The following FILIP1L variants were observed in gnomAD, a reference collection of about 807,000 sequenced individuals.
FILIP1L encodes filamin A-interacting protein 1-like.
Under a neutral mutation model 96.6 loss-of-function variants are expected in FILIP1L, and 55 were observed. That is an observed-to-expected ratio of 0.57 (90% CI 0.46 to 0.71). The LOEUF (loss-of-function observed/expected upper bound fraction) is 0.71. Ranked by LOEUF, FILIP1L falls within the 30% of genes least tolerant of loss-of-function variation. The probability of loss-of-function intolerance (pLI) is 0.00; values close to 1 mark genes in which losing one functional copy is unlikely to be tolerated. For missense variants in FILIP1L, 1,304 were observed against 1,321.2 expected (o/e 0.99, Z 0.20); for synonymous variants, 467 against 473.9 (o/e 0.99, Z 0.19).
At chr3:99,900,037 A>G (rs934842640) in intron 4 of FILIP1L, among the ~76,000 whole-genome samples, 1 of 152,256 alleles carries the variant, frequency 6.6e-6, no homozygotes, top group Non-Finnish European at 1.5e-5. Context: ...GATGAAATAA[A>G]TATAAATGTA....
chr3:99,904,757 G>A (rs996259626), intron 4 of FILIP1L, among the ~76,000 whole-genome samples: 1 of 151,952 alleles, frequency 6.6e-6, no homozygotes, highest in Non-Finnish European at 1.5e-5. Context: ...GCGAGACTTC[G>A]TTCTATCCAT....
At chr3:99,955,415 G>T (rs544061627) in intron 1 of FILIP1L, among the ~76,000 whole-genome samples, 2 of 152,080 alleles carry the variant, frequency 1.3e-5, no homozygotes, top group Non-Finnish European at 2.9e-5. Flanking sequence ...TTTTTTTAGC[G>T]AAGGCATTTA....
chr3:99,832,991 G>A (rs909907634), intron 5 of FILIP1L, among the ~76,000 whole-genome samples: 4 of 148,778 alleles, frequency 2.7e-5, no homozygotes, highest in Admixed American at 6.8e-5. Context: ...AGAAAGTTTT[G>A]TCCAAATTTG....
At chr3:99,834,673 C>T (rs1480474290) in intron 5 of FILIP1L, among the ~76,000 whole-genome samples, 1 of 152,168 alleles carries the variant, frequency 6.6e-6, no homozygotes, top group African/African-American at 2.4e-5. Context: ...TTTCCTCCCT[C>T]CCCTCTCCTG....
chr3:99,937,423 C>G (rs1707713453), intron 1 of FILIP1L, among the ~76,000 whole-genome samples: 1 of 152,126 alleles, frequency 6.6e-6, no homozygotes, highest in Non-Finnish European at 1.5e-5. Context: ...ATGTGCTTTT[C>G]TCAACCACTG....
rs754267001 is a variant in FILIP1L at position 99,848,568 on chromosome 3, TG to T, written c.3107del (p.Pro1036GlnfsTer19). 1 of 1,614,206 alleles carries T rather than the reference TG, an allele frequency of 6.2e-7. No homozygotes were observed. The highest frequency in any genetic ancestry group is 8.5e-7 in the Non-Finnish European group (1 of 1,180,022). ...SAKHAIFRVS[P>X]DRQSSWQFQR... is the part of the protein sequence containing the mutation. ...GAAACTGCCATGATGACTGCCGGTC[TG>T]GGGAGACTCTGAATATCGCATGCTT... On this transcript the variant is annotated frameshift_variant, in exon 5 of 6. Transcript: ENST00000477258. LOFTEE classifies it high-confidence loss of function.
chr3:100,110,920 T>C (rs1387500644), intron 1 of FILIP1L, among the ~76,000 whole-genome samples: 2 of 152,178 alleles, frequency 1.3e-5, no homozygotes, highest in African/African-American at 4.8e-5. Context: ...AAAATTCCAT[T>C]TGTATTTTGC....
chr3:99,849,162 A>C lies in FILIP1L; in HGVS notation c.2514T>G (p.Pro838=). The change falls in exon 5 of 6, where the codon CCT becomes CCG. Residue 838 remains proline, a synonymous_variant. Coordinates refer to ENST00000477258, the MANE Select transcript of FILIP1L (RefSeq NM_001387850.1). ...YEESENQDED[P]NDEGSVLSFK... The stretch of plus-strand genomic sequence containing the variant: ...AGGACAGCACAGATCCCTCATCATT[A>C]GGGTCCTCGTCTTGATTCTCACTCT... 1 of 1,614,164 alleles carries C rather than the reference A, an allele frequency of 6.2e-7. No homozygotes were observed. Among genetic ancestry groups the C allele is most frequent in the African/African-American group, 1.3e-5 (1 of 75,034 alleles).
At chr3:99,968,758 G>T (rs2107713759) in intron 1 of FILIP1L, among the ~76,000 whole-genome samples, 1 of 152,302 alleles carries the variant, frequency 6.6e-6, no homozygotes, top group African/African-American at 2.4e-5. Context: ...ATTTTCCTCA[G>T]GTGTGGCATT....
intron 1 of FILIP1L, among the ~76,000 whole-genome samples, chr3:99,958,760 G>A (rs1219346719): frequency 1.3e-5 from 2 of 152,022 alleles, no homozygotes; most frequent in African/African-American, 4.8e-5. Flanking sequence ...GCTAGAGCTT[G>A]AGGTTTTGGA....
At chr3:99,884,245 C>A (rs1053325927) in intron 4 of FILIP1L, among the ~76,000 whole-genome samples, 1 of 152,134 alleles carries the variant, frequency 6.6e-6, no homozygotes, top group Non-Finnish European at 1.5e-5. Flanking sequence ...CTCTCTCTGT[C>A]CTTTTTCCCC....
At chr3:99,858,689 C>T (rs1021431929) in intron 4 of FILIP1L, among the ~76,000 whole-genome samples, 2 of 152,168 alleles carry the variant, frequency 1.3e-5, no homozygotes, top group Non-Finnish European at 2.9e-5. Flanking sequence ...AATCATCACA[C>T]GTCATGGAGC....
intron 1 of FILIP1L, among the ~76,000 whole-genome samples, chr3:100,078,605 T>A (rs560861133): frequency 1.3e-5 from 2 of 151,694 alleles, no homozygotes; most frequent in South Asian, 2.1e-4. Flanking sequence ...AAAAAAAAAA[T>A]TGGCCTGGCA....
rs1251504629 is a variant in FILIP1L, at chr3:99,960,699, A to G, written c.-10-29669T>C. On this transcript the variant is annotated intron_variant, in intron 1 of 5. Coordinates refer to ENST00000477258, the MANE Select transcript of FILIP1L (RefSeq NM_001387850.1). ...TCCTGGTACTGGGATTGAGGGGAGG[A>G]ACACTTTCACTTTCAGGGCTATTGT... is the stretch of plus-strand genomic sequence containing the variant. Among the ~76,000 whole-genome samples the G allele has an allele frequency of 2.0e-5, 3 of 152,154 alleles. No homozygotes were observed. The East Asian group carries it at 5.8e-4, about 29-fold the overall frequency.
At chr3:100,079,243 G>A (rs2065896775) in intron 1 of FILIP1L, among the ~76,000 whole-genome samples, 1 of 152,182 alleles carries the variant, frequency 6.6e-6, no homozygotes, top group Non-Finnish European at 1.5e-5. Flanking sequence ...ACCCCAAAGT[G>A]GTAAAGAGTT....
Position 100,042,439 on chromosome 3 carries a change from T to G in FILIP1L, c.-11+71614A>C, listed in dbSNP as rs78192205. Among the ~76,000 whole-genome samples, 687 of 152,316 alleles carry G rather than the reference T, an allele frequency of 4.5e-3. 7 individuals are homozygous for G. The highest frequency in any genetic ancestry group is 0.016 in the African/African-American group (673 of 41,562). ...TGTGAGCACCATCATGTAATAAAAT[T>G]CTCTAAACTGTGATTCACGGTGCTA... is the stretch of plus-strand genomic sequence containing the variant. On this transcript the variant is annotated intron_variant, in intron 1 of 5. Coordinates refer to ENST00000477258, the MANE Select transcript of FILIP1L (RefSeq NM_001387850.1).
intron 1 of FILIP1L, among the ~76,000 whole-genome samples, chr3:99,945,337 T>C (rs1707976749): frequency 6.6e-6 from 1 of 152,182 alleles, no homozygotes; most frequent in Middle Eastern, 3.2e-3. Flanking sequence ...CCCAGCCTTG[T>C]TGCGTAGATC....
intron 4 of FILIP1L, among the ~76,000 whole-genome samples, chr3:99,855,169 C>T (rs538498494): frequency 3.2e-4 from 49 of 152,284 alleles, no homozygotes; most frequent in African/African-American, 1.1e-3. Context: ...AGCCTGTATT[C>T]CTGACCTACA....
intron 1 of FILIP1L, among the ~76,000 whole-genome samples, chr3:100,078,069 GGCTT>G (rs573484983): frequency 5.3e-5 from 8 of 150,970 alleles, no homozygotes; most frequent in Admixed American, 5.3e-4. Flanking sequence ...GTTAGAATTG[GGCTT>G]GCTTTAAAAA....
Sources: gnomAD v4.1 joint callset for allele counts (sites outside exome capture counted in the v4.1 genomes callset) on GRCh38, gnomAD v4.1.1 for gene constraint, MANE v1.5 for transcripts, NCBI Gene and HGNC (gene_info 2026-07-23, HGNC 2026-07-21) for gene names.